The following SCRG1 variants were observed in gnomAD, a reference collection of about 807,000 sequenced individuals.
SCRG1 encodes scrapie-responsive protein 1.
SCRG1 carries 3 observed loss-of-function variants against 7.7 expected under a neutral mutation model. The observed-to-expected ratio is 0.39, with a 90% CI of 0.18 to 1.01. SCRG1 has a LOEUF of 1.01. Among genes scored for constraint, SCRG1 ranks in the 50% least tolerant of loss-of-function variants. SCRG1 has a pLI of 0.36. For missense variants in SCRG1, 110 were observed against 117.2 expected, an observed-to-expected ratio of 0.94 and a Z score of 0.28; for synonymous variants, 46 against 41.2, an observed-to-expected ratio of 1.12 and a Z score of -0.44.
At chr4:173,466,930 G>A in the SCRG1 span, among the ~76,000 whole-genome samples, 3 of 152,080 alleles carry the variant, frequency 2.0e-5, no homozygotes, top group South Asian at 4.1e-4. Flanking sequence ...TTGCTCATGA[G>A]TGTCCACAGG....
At chr4:173,423,384 T>C in the SCRG1 span, among the ~76,000 whole-genome samples, 1 of 152,186 alleles carries the variant, frequency 6.6e-6, no homozygotes, top group Non-Finnish European at 1.5e-5. Context: ...GACCTATAGA[T>C]ATTTTTATTG....
the SCRG1 span, among the ~76,000 whole-genome samples, chr4:173,432,668 G>A: frequency 6.6e-6 from 1 of 152,186 alleles, no homozygotes; most frequent in South Asian, 2.1e-4. Context: ...CCTGTCTGAG[G>A]CAGGCATGGA....
chr4:173,484,135 T>TAATATACAATATAC, the SCRG1 span, among the ~76,000 whole-genome samples: 1 of 15,228 alleles, frequency 6.6e-5, no homozygotes, highest in Non-Finnish European at 1.7e-4. Flanking sequence ...ATATAATATA[T>TAATATACAATATAC]AATATAGAAT....
the SCRG1 span, among the ~76,000 whole-genome samples, chr4:173,455,965 G>T: frequency 6.6e-6 from 1 of 152,108 alleles, no homozygotes; most frequent in Non-Finnish European, 1.5e-5. Context: ...ATGGTAGGCA[G>T]AAATCAACAA....
At chr4:173,481,019 G>A in the SCRG1 span, among the ~76,000 whole-genome samples, 1 of 152,016 alleles carries the variant, frequency 6.6e-6, no homozygotes, top group Admixed American at 6.6e-5. Flanking sequence ...AAACTAATTA[G>A]TTTTTCTCTA....
the SCRG1 span, among the ~76,000 whole-genome samples, chr4:173,422,679 A>G: frequency 6.6e-6 from 1 of 152,188 alleles, no homozygotes; most frequent in Non-Finnish European, 1.5e-5. Flanking sequence ...TAGTATTATG[A>G]TTCTATCTGA....
At chr4:173,452,302 C>A in the SCRG1 span, among the ~76,000 whole-genome samples, 9 of 151,906 alleles carry the variant, frequency 5.9e-5, no homozygotes, top group Admixed American at 5.9e-4. Flanking sequence ...GGAGGTGGAT[C>A]ATCAGAGAGG....
the SCRG1 span, among the ~76,000 whole-genome samples, chr4:173,514,896 A>G: frequency 6.6e-6 from 1 of 152,226 alleles, no homozygotes; most frequent in African/African-American, 2.4e-5. Context: ...TATGCTATAT[A>G]TCAAGTCACA....
At chr4:173,499,792 G>T in the SCRG1 span, among the ~76,000 whole-genome samples, 1 of 151,812 alleles carries the variant, frequency 6.6e-6, no homozygotes, top group Non-Finnish European at 1.5e-5. The surrounding 1 kb of genome is among the most constrained non-coding windows in gnomAD (Gnocchi z 4.1). Context: ...CTCCCATTTG[G>T]GGAGAAAAAA....
Position 173,385,675 on chromosome 4 carries a change from T to C in SCRG1, c.*2666A>G, listed in dbSNP as rs999623640. The C allele has an allele frequency of 2.0e-5, 3 of 152,130 alleles. No individual in the cohort carries two copies. The highest frequency in any genetic ancestry group is 2.9e-5 in the Non-Finnish European group (2 of 68,030). 9.4% of individuals were successfully genotyped at this position (152,130 alleles called of 1,614,324 possible). On this transcript the variant is annotated 3_prime_UTR_variant, in exon 3 of 3. Coordinates refer to ENST00000296506, the MANE Select transcript of SCRG1 (RefSeq NM_007281.4). ...ACATTATGATGAATAATTTATAAAA[T>C]TTTATTTATTAAATATTTAGCTTTG...
At chr4:173,418,088 C>T in the SCRG1 span, among the ~76,000 whole-genome samples, 1 of 151,854 alleles carries the variant, frequency 6.6e-6, no homozygotes, top group Non-Finnish European at 1.5e-5. Context: ...GGCATAGATC[C>T]CAAAAAATAA....
chr4:173,450,975 G>T, the SCRG1 span, among the ~76,000 whole-genome samples: 1 of 152,108 alleles, frequency 6.6e-6, no homozygotes, highest in Non-Finnish European at 1.5e-5. Context: ...AAGTAGGAAG[G>T]GGGAGGAGCT....
At chr4:173,441,651 A>G in the SCRG1 span, among the ~76,000 whole-genome samples, 1 of 152,246 alleles carries the variant, frequency 6.6e-6, no homozygotes, top group African/African-American at 2.4e-5. Context: ...AACTATGTGT[A>G]AACCACTGTG....
At chr4:173,441,461 C>A in the SCRG1 span, among the ~76,000 whole-genome samples, 311 of 152,272 alleles carry the variant, frequency 2.0e-3, no homozygotes, top group Non-Finnish European at 3.8e-3. Flanking sequence ...AATCCCACCC[C>A]CTCTGTCCTG....
the SCRG1 span, among the ~76,000 whole-genome samples, chr4:173,421,609 C>T: frequency 6.6e-6 from 1 of 152,052 alleles, no homozygotes; most frequent in Non-Finnish European, 1.5e-5. Context: ...TTAGCCATTC[C>T]CTTTGATTAT....
At chr4:173,415,739 T>A in the SCRG1 span, among the ~76,000 whole-genome samples, 2 of 152,214 alleles carry the variant, frequency 1.3e-5, no homozygotes, top group African/African-American at 4.8e-5. Context: ...ATTAAGAACC[T>A]TAGAAGCCTA....
the SCRG1 span, among the ~76,000 whole-genome samples, chr4:173,472,505 T>C: frequency 1.8e-4 from 27 of 152,126 alleles, no homozygotes; most frequent in Non-Finnish European, 3.5e-4. Flanking sequence ...GGAGAGCTGA[T>C]GGTGTAGTTG....
At chr4:173,454,920 G>T in the SCRG1 span, among the ~76,000 whole-genome samples, 1 of 152,310 alleles carries the variant, frequency 6.6e-6, no homozygotes, top group African/African-American at 2.4e-5. Flanking sequence ...TAAAGTAAGT[G>T]CTAAATAGCT....
chr4:173,497,822 C>G, the SCRG1 span, among the ~76,000 whole-genome samples: 1 of 151,926 alleles, frequency 6.6e-6, no homozygotes, highest in Non-Finnish European at 1.5e-5. Context: ...AGGCACCCAC[C>G]ACCACGCCCG....
Sources: gnomAD v4.1 joint callset for allele counts (sites outside exome capture counted in the v4.1 genomes callset) on GRCh38, gnomAD v4.1.1 for gene constraint, Gnocchi (gnomAD v3.1) non-coding constraint, MANE v1.5 for transcripts, NCBI Gene and HGNC (gene_info 2026-07-23, HGNC 2026-07-21) for gene names.